Variants in ARAP1 observed in about 807,000 individuals in gnomAD.
ARAP1 encodes arf-GAP with Rho-GAP domain, ANK repeat and PH domain-containing protein 1.
A neutral mutation model predicts 172.2 loss-of-function variants in ARAP1; 76 were observed. The observed-to-expected ratio is 0.44, with a 90% CI of 0.37 to 0.53. The LOEUF (loss-of-function observed/expected upper bound fraction) is 0.53. ARAP1 is among the 20% of genes least tolerant of loss of function. The pLI is 0.00. For missense variants in ARAP1, 1,686 were observed against 1,977.5 expected (o/e 0.85, Z 2.80); for synonymous variants, 804 against 803.3 (o/e 1.00, Z -0.01).
intron 33 of ARAP1, 78 bp from the exon 34 acceptor site, chr11:72,686,269 C>A: frequency 6.6e-7 from 1 of 1,521,104 alleles, no homozygotes; most frequent in East Asian, 2.4e-5. Context: ...CCACCCTTCC[C>A]AGAAATGCCT....
In ARAP1 at chr11:72,709,895, G is replaced by A; in HGVS notation, c.1498C>T (p.Leu500Phe). Reference sequence around the variant, plus strand: ...CTGAAGATGCGGTAGGGCGTGGTGAGGTCGAAGCTGCGCCGGTCCACTTCC... The same window carrying A: ...CTGAAGATGCGGTAGGGCGTGGTGAAGTCGAAGCTGCGCCGGTCCACTTCC... ...VKEVDRRSFD[L>F]TTPYRIFSFS... Residue 500 changes from leucine (L) to phenylalanine (F), a missense_variant, in exon 11 of 35, where the codon CTC becomes TTC. This residue lies in a region of ARAP1 where 688 missense variants were observed against 856.9 expected (regional missense o/e 0.80). Transcript: ENST00000393609. 2 of 1,614,184 alleles carry A rather than the reference G, an allele frequency of 1.2e-6. No individual in the cohort carries two copies. The highest frequency in any genetic ancestry group is 1.7e-6 in the Non-Finnish European group (2 of 1,180,012).
rs769146331 is a variant in ARAP1 at position 72,699,574 on chromosome 11, G to A, written c.2303-22C>T. On this transcript the variant is annotated intron_variant, in intron 16 of 34. Transcript: ENST00000393609. This position sits in a 1 kb window ranked among gnomAD's most constrained non-coding sequence, Gnocchi z 4.2. The stretch of plus-strand genomic sequence containing the variant: ...AACTCTGGGGAGAATTTGGGCAGGG[G>A]AGCCATCAGGGAGCCCCCCACCACC... 61 of 1,604,642 alleles carry A rather than the reference G, an allele frequency of 3.8e-5. No individual in the cohort carries two copies. The highest frequency in any genetic ancestry group is 5.1e-5 in the Non-Finnish European group (60 of 1,175,944).
At chr11:72,715,395 G>A (rs1346205724) in intron 3 of ARAP1, among the ~76,000 whole-genome samples, 2 of 152,146 alleles carry the variant, frequency 1.3e-5, no homozygotes, top group Non-Finnish European at 2.9e-5. Context: ...TGTTGCCCTG[G>A]TGTTCCTGGC....
In ARAP1 at chr11:72,726,779, A is replaced by T. The variant is rs1331659956; in HGVS notation, c.350T>A (p.Ile117Asn). The T allele has an allele frequency of 2.3e-6, 1 of 441,258 alleles. No homozygotes were observed. Among genetic ancestry groups the T allele is most frequent in the Non-Finnish European group, 4.4e-6 (1 of 229,076 alleles). 27.3% of individuals were successfully genotyped at this position (441,258 alleles called of 1,614,324 possible). Residue 117 changes from isoleucine to asparagine, a missense_variant, in exon 3 of 35, where the codon ATC becomes AAC. Physicochemically the swap from Ile to Asn is moderately radical, Grantham distance 149 (BLOSUM62 -3). Coordinates refer to ENST00000393609, the MANE Select transcript of ARAP1 (RefSeq NM_001040118.3). The surrounding 1 kb of genome is among the most constrained non-coding windows in gnomAD (Gnocchi z 6.5). ...EDEGLPAAPP[I>N]PPRRSCLPPT... is the part of the protein sequence containing the mutation. ...CGGAAGGCAGCTCCTCCGGGGCGGG[A>T]TGGGTGGGGCAGCGGGGAGCCCCTC...
At chr11:72,740,749 C>T (rs959812711) in intron 1 of ARAP1, among the ~76,000 whole-genome samples, 2 of 152,142 alleles carry the variant, frequency 1.3e-5, no homozygotes, top group Non-Finnish European at 2.9e-5. Context: ...TGGCCAGCAG[C>T]ACAGAGCGCA....
chr11:72,688,649 G>T, intron 30 of ARAP1, 112 bp from the exon 31 acceptor site: 2 of 879,746 alleles, frequency 2.3e-6, no homozygotes, highest in Non-Finnish European at 3.5e-6. Context: ...TTGCATCCCA[G>T]CACAGGGCGC....
At chr11:72,730,822 T>C (rs1227907588) in intron 2 of ARAP1, among the ~76,000 whole-genome samples, 3 of 152,298 alleles carry the variant, frequency 2.0e-5, no homozygotes, top group South Asian at 4.1e-4. Flanking sequence ...CTGTGTTTAA[T>C]AGCAAAAGAA....
chr11:72,718,245 A>G (rs1857364858), intron 3 of ARAP1, among the ~76,000 whole-genome samples: 13 of 152,096 alleles, frequency 8.5e-5, no homozygotes, highest in Admixed American at 8.5e-4. Flanking sequence ...AACATGTGGG[A>G]AAACCCCAGG....
Position 72,704,157 on chromosome 11 carries a change from C to A in ARAP1, c.1987G>T (p.Asp663Tyr). The A allele has an allele frequency of 6.2e-7, 1 of 1,614,124 alleles. No individual in the cohort carries two copies. Among genetic ancestry groups the A allele is most frequent in the South Asian group, 1.1e-5 (1 of 91,084 alleles). Reference protein sequence around the residue: ...HPLFGNQEELDKALCAAVTTT... With the variant: ...HPLFGNQEELYKALCAAVTTT... ...CAGAGCTGCAGTGCCCTGACCTTGT[C>A]CAGCTCCTCCTGGTTGCCAAAGAGC... is the stretch of plus-strand genomic sequence containing the variant. Residue 663 changes from aspartate (D) to tyrosine (Y), a missense_variant, in exon 14 of 35, where the codon GAC becomes TAC. Physicochemically the swap from Asp to Tyr is radical, Grantham distance 160. Around this residue, in one of 5 missense-constraint regions of ARAP1, gnomAD observed 688 missense variants for 856.9 expected, o/e 0.80. Transcript: ENST00000393609.
chr11:72,691,751 G>A (rs1359853093), intron 30 of ARAP1, among the ~76,000 whole-genome samples: 1 of 152,138 alleles, frequency 6.6e-6, no homozygotes, highest in African/African-American at 2.4e-5. Context: ...AGACCACCAG[G>A]CTTGGAACCA....
intron 3 of ARAP1, among the ~76,000 whole-genome samples, chr11:72,715,897 G>A (rs1857248577): frequency 1.3e-5 from 2 of 152,000 alleles, no homozygotes; most frequent in African/African-American, 4.8e-5. Flanking sequence ...AAATGGCTGG[G>A]TGCAGTGGTT....
rs372079589 is a variant in ARAP1, at chr11:72,721,911, G to A, written c.509+4709C>T. The stretch of plus-strand genomic sequence containing the variant: ...CCACAGCTCCGGCCAGGCGGGCTGC[G>A]TATGCCCAAGAATGTCGTGTACCTG... On this transcript the variant is annotated intron_variant, in intron 3 of 34. Coordinates refer to ENST00000393609, the MANE Select transcript of ARAP1 (RefSeq NM_001040118.3). 68 of 985,448 alleles carry A rather than the reference G, an allele frequency of 6.9e-5. No individual in the cohort carries two copies. The East Asian group carries it at 9.0e-4, about 13-fold the overall frequency. 61.0% of individuals were successfully genotyped at this position (985,448 alleles called of 1,614,324 possible).
chr11:72,696,530 C>A lies in ARAP1; in HGVS notation c.3272+19G>T. 1.3e-6 allele frequency: 2 copies of A among 1,490,338 alleles called. No homozygotes were observed. The highest frequency in any genetic ancestry group is 1.8e-6 in the Non-Finnish European group (2 of 1,113,570). 92.3% of individuals were successfully genotyped at this position (1,490,338 alleles called of 1,614,324 possible). A position where few individuals can be genotyped will look rare whatever the true frequency, so the allele number is the denominator to read the frequency against. The stretch of plus-strand genomic sequence containing the variant: ...TTCATCCCATCCCCCCAGAATCTCA[C>A]AATGGTATCGTCCCTCACCAGTACA... On this transcript the variant is annotated intron_variant, in intron 23 of 34. Coordinates refer to ENST00000393609, the MANE Select transcript of ARAP1 (RefSeq NM_001040118.3).
At chr11:72,722,821 C>T (rs1347562475) in intron 3 of ARAP1, among the ~76,000 whole-genome samples, 2 of 152,164 alleles carry the variant, frequency 1.3e-5, no homozygotes, top group African/African-American at 2.4e-5. Flanking sequence ...ACATCAGAAA[C>T]GACCCCTCTG....
At chr11:72,738,207 CAGG>C (rs1858090610) in intron 1 of ARAP1, among the ~76,000 whole-genome samples, 1 of 152,170 alleles carries the variant, frequency 6.6e-6, no homozygotes, top group Admixed American at 6.5e-5. Flanking sequence ...AATTTGGTGA[CAGG>C]AGATGTCAGT....
chr11:72,688,614 C>A (rs1006192268), intron 30 of ARAP1, 77 bp from the exon 31 acceptor site: 1 of 1,272,646 alleles, frequency 7.9e-7, no homozygotes, highest in African/African-American at 1.5e-5. Context: ...CTGGGCAGCT[C>A]CCTCTTCCAA....
In ARAP1 at chr11:72,699,672, T is replaced by C; in HGVS notation, c.2303-120A>G. On this transcript the variant is annotated intron_variant, in intron 16 of 34. Transcript: ENST00000393609. This position sits in a 1 kb window ranked among gnomAD's most constrained non-coding sequence, Gnocchi z 4.2. ...CATGAGCTCTTCATTCTCTCAAGTT[T>C]TCCCTAAATCCATCCACCTCTCTGC... The C allele has an allele frequency of 7.3e-7, 1 of 1,374,714 alleles. No individual in the cohort carries two copies. The highest frequency in any genetic ancestry group is 9.8e-7 in the Non-Finnish European group (1 of 1,022,760). The allele number at this position is 1,374,714 out of a possible 1,614,324, so 85.2% of individuals were successfully genotyped here.
intron 30 of ARAP1, among the ~76,000 whole-genome samples, chr11:72,692,034 G>A (rs529901670): frequency 2.0e-5 from 3 of 152,238 alleles, no homozygotes; most frequent in South Asian, 2.1e-4. Flanking sequence ...TCACTCGCCC[G>A]ATGTTCACCT....
Position 72,710,969 on chromosome 11 carries a change from C to T in ARAP1, c.1213+52G>A. ...CTTCCCCCTCCTCTGCCCAAACTTCCAGTCTTCTCTACCCTCTTCTACACA... is the reference window on the plus strand; with the variant it reads ...CTTCCCCCTCCTCTGCCCAAACTTCTAGTCTTCTCTACCCTCTTCTACACA... On this transcript the variant is annotated intron_variant, in intron 9 of 34. Coordinates refer to ENST00000393609, the MANE Select transcript of ARAP1 (RefSeq NM_001040118.3). The surrounding 1 kb of genome is among the most constrained non-coding windows in gnomAD (Gnocchi z 4.3). The T allele has an allele frequency of 1.1e-5, 18 of 1,607,532 alleles. No individual in the cohort carries two copies. Among genetic ancestry groups the T allele is most frequent in the Non-Finnish European group, 1.4e-5 (17 of 1,175,162 alleles).
Sources: allele counts gnomAD v4.1 joint callset (sites outside exome capture counted in the v4.1 genomes callset), GRCh38; gene constraint gnomAD v4.1.1; regional missense constraint gnomAD v4.1.1; non-coding constraint Gnocchi (gnomAD v3.1); transcripts MANE v1.5; gene names NCBI Gene and HGNC (gene_info 2026-07-23, HGNC 2026-07-21).